RBMS3: variants seen among roughly 807,000 people sequenced by gnomAD.
RBMS3 encodes RNA-binding motif, single-stranded-interacting protein 3.
In RBMS3, 27 loss-of-function variants were observed where a neutral mutation model predicts 66.8. The observed-to-expected ratio is 0.40, with a 90% confidence interval of 0.30 to 0.56. The LOEUF is 0.56. RBMS3 is among the 20% of genes least tolerant of loss of function. RBMS3 has a pLI of 0.40. For missense variants in RBMS3, 513 were observed against 549.5 expected, an observed-to-expected ratio of 0.93 and a Z score of 0.66; for synonymous variants, 188 against 183.0, an observed-to-expected ratio of 1.03 and a Z score of -0.22.
chr3:29,827,456 C>G (rs1366946146), intron 6 of RBMS3, among the ~76,000 whole-genome samples: 2 of 152,100 alleles, frequency 1.3e-5, no homozygotes, highest in African/African-American at 4.8e-5. Flanking sequence ...GAAGAAATAT[C>G]CTGGCATTAT....
At chr3:29,859,663 G>A (rs1386234190) in intron 6 of RBMS3, among the ~76,000 whole-genome samples, 2 of 152,148 alleles carry the variant, frequency 1.3e-5, no homozygotes, top group Non-Finnish European at 2.9e-5. Flanking sequence ...GCTTGTTATT[G>A]TACACAAAAC....
intron 2 of RBMS3, among the ~76,000 whole-genome samples, chr3:29,484,611 T>A (rs2043254648): frequency 6.6e-6 from 1 of 152,198 alleles, no homozygotes; most frequent in Non-Finnish European, 1.5e-5. Flanking sequence ...CAATTATGCA[T>A]GACTTTGATG....
At chr3:29,432,065 C>T (rs992233792) in intron 1 of RBMS3, among the ~76,000 whole-genome samples, 11 of 151,928 alleles carry the variant, frequency 7.2e-5, no homozygotes, top group African/African-American at 2.2e-4. Flanking sequence ...CCTGCCTTCC[C>T]AAAAATAAGG....
At chr3:30,001,915 A>G (rs1388246083) in intron 14 of RBMS3, among the ~76,000 whole-genome samples, 12 of 152,050 alleles carry the variant, frequency 7.9e-5, no homozygotes, top group Non-Finnish European at 1.5e-4. Flanking sequence ...AGTGCAATCC[A>G]TAAGTATTAT....
chr3:29,365,947 T>C (rs55720140), intron 1 of RBMS3, among the ~76,000 whole-genome samples: 61,665 of 151,924 alleles, frequency 0.41, 13,593 homozygotes, highest in Non-Finnish European at 0.49. Context: ...GAGTACTCTC[T>C]GGGAACCTCA....
At chr3:29,752,274 T>G (rs1426673066) in intron 5 of RBMS3, among the ~76,000 whole-genome samples, 2 of 152,152 alleles carry the variant, frequency 1.3e-5, no homozygotes, top group African/African-American at 4.8e-5. Flanking sequence ...TTCTTTCTAA[T>G]ATCCAGCTGG....
At chr3:29,328,110 T>C (rs1328674535) in intron 1 of RBMS3, among the ~76,000 whole-genome samples, 2 of 152,198 alleles carry the variant, frequency 1.3e-5, no homozygotes. Flanking sequence ...AATGGCACCA[T>C]GCAGTTCACT....
At chr3:29,438,583 A>G (rs1285859063) in intron 2 of RBMS3, among the ~76,000 whole-genome samples, 3 of 152,236 alleles carry the variant, frequency 2.0e-5, no homozygotes, top group Non-Finnish European at 4.4e-5. Context: ...AGACTGAAGA[A>G]CAATAAATAT....
At chr3:29,408,882 T>C (rs1283841751) in intron 1 of RBMS3, among the ~76,000 whole-genome samples, 1 of 152,222 alleles carries the variant, frequency 6.6e-6, no homozygotes, top group Non-Finnish European at 1.5e-5. Context: ...AGACCATGGC[T>C]GCCAACTTAA....
At chr3:29,662,649 T>C (rs1158582804) in intron 4 of RBMS3, among the ~76,000 whole-genome samples, 3 of 152,166 alleles carry the variant, frequency 2.0e-5, no homozygotes, top group Non-Finnish European at 4.4e-5. Flanking sequence ...TTACTTGATA[T>C]CTCTGCTTGT....
chr3:29,733,577 A>T (rs992252707), intron 4 of RBMS3, among the ~76,000 whole-genome samples: 2 of 151,920 alleles, frequency 1.3e-5, no homozygotes, highest in African/African-American at 4.8e-5. Context: ...GGGTGAGATG[A>T]TATATCATTG....
chr3:29,319,716 A>G (rs1006684661), intron 1 of RBMS3, among the ~76,000 whole-genome samples: 2 of 152,026 alleles, frequency 1.3e-5, no homozygotes, highest in Admixed American at 6.6e-5. Context: ...CTAGAAAACC[A>G]TTATTTGCAT....
intron 1 of RBMS3, among the ~76,000 whole-genome samples, chr3:29,329,211 G>T (rs952452819): frequency 6.6e-6 from 1 of 152,046 alleles, no homozygotes; most frequent in Non-Finnish European, 1.5e-5. Context: ...GGGGCAGGGG[G>T]TTTGTAAGGT....
At chr3:29,442,816 A>G (rs532413741) in intron 2 of RBMS3, among the ~76,000 whole-genome samples, 12 of 152,124 alleles carry the variant, frequency 7.9e-5, no homozygotes, top group African/African-American at 2.9e-4. Context: ...TTCTTCTCCT[A>G]TGGATGGTAA....
chr3:29,287,053 G>A (rs1312629378), intron 1 of RBMS3, among the ~76,000 whole-genome samples: 1 of 152,076 alleles, frequency 6.6e-6, no homozygotes, highest in Non-Finnish European at 1.5e-5. Flanking sequence ...GAGTGCAGAT[G>A]GAACTGAAGG....
intron 6 of RBMS3, among the ~76,000 whole-genome samples, chr3:29,854,933 A>G (rs866206495): frequency 2.0e-5 from 3 of 152,204 alleles, no homozygotes; most frequent in Non-Finnish European, 2.9e-5. Context: ...TACTATTTCT[A>G]TGCTGGAAAT....
chr3:29,948,447 G>A (rs1354030632), intron 12 of RBMS3, among the ~76,000 whole-genome samples: 1 of 151,746 alleles, frequency 6.6e-6, no homozygotes, highest in African/African-American at 2.4e-5. Context: ...ATCATCCAGA[G>A]GAGGGAAAGG....
intron 7 of RBMS3, among the ~76,000 whole-genome samples, chr3:29,880,007 AC>A (rs1312863576): frequency 1.3e-5 from 2 of 152,156 alleles, no homozygotes; most frequent in East Asian, 3.9e-4. Context: ...ATATCAAATA[AC>A]TATCTCCTAA....
At chr3:29,827,177 G>C (rs1175933947) in intron 6 of RBMS3, among the ~76,000 whole-genome samples, 1 of 152,042 alleles carries the variant, frequency 6.6e-6, no homozygotes, top group African/African-American at 2.4e-5. Context: ...TTTTTGAATT[G>C]CTAAAGAACC....
Sources: gnomAD v4.1 joint callset for allele counts (sites outside exome capture counted in the v4.1 genomes callset) on GRCh38, gnomAD v4.1.1 for gene constraint, MANE v1.5 for transcripts, NCBI Gene and HGNC (gene_info 2026-07-23, HGNC 2026-07-21) for gene names.